SEMA4F: variants seen among roughly 807,000 people sequenced by gnomAD.
SEMA4F encodes the protein ssemaphorin 4F, also known as semaphorin-4F.
In SEMA4F, 51 loss-of-function variants were observed where a neutral mutation model predicts 78.4. The observed-to-expected ratio is 0.65, with a 90% confidence interval of 0.52 to 0.82. SEMA4F has a LOEUF of 0.82. Among genes scored for constraint, SEMA4F ranks in the 40% least tolerant of loss-of-function variants. SEMA4F has a pLI of 0.00. For missense variants in SEMA4F, 938 were observed against 1,014.4 expected (o/e 0.92, Z 1.02); for synonymous variants, 418 against 408.7 (o/e 1.02, Z -0.27).
chr2:74,673,752 T>A lies in SEMA4F; in HGVS notation c.746T>A (p.Phe249Tyr). 1 of 1,614,096 alleles carries A rather than the reference T, an allele frequency of 6.2e-7. No homozygotes were observed. ...GAAGATGGAGACGACGAAATCTACT[T>A]CTTCTTTACGGAGACTTCCCGAGCA... Reference protein sequence around the residue: ...GDEDGDDEIYFFFTETSRAFD... With the variant: ...GDEDGDDEIYYFFTETSRAFD... The change falls in exon 7 of 14, where the codon TTC becomes TAC. Residue 249 changes from phenylalanine to tyrosine, a missense_variant. Transcript: ENST00000357877.
chr2:74,702,920 A>G, the SEMA4F span, among the ~76,000 whole-genome samples: 1 of 152,202 alleles, frequency 6.6e-6, no homozygotes, highest in Non-Finnish European at 1.5e-5. Flanking sequence ...AAAAGCTGAA[A>G]TGGAAAATGG....
At chr2:74,675,118 C>G (rs779315420) in intron 9 of SEMA4F, 44 bp from the exon 10 acceptor site, 2 of 1,613,458 alleles carry the variant, frequency 1.2e-6, no homozygotes, top group African/African-American at 1.3e-5. Context: ...ACTGGCATGT[C>G]CTGTTCCTGG....
the SEMA4F span, among the ~76,000 whole-genome samples, chr2:74,706,950 G>C: frequency 6.6e-6 from 1 of 152,112 alleles, no homozygotes; most frequent in South Asian, 2.1e-4. Flanking sequence ...CAGGATCCCT[G>C]GTAGGCCACT....
chr2:74,707,134 A>G, the SEMA4F span, among the ~76,000 whole-genome samples: 6 of 152,230 alleles, frequency 3.9e-5, no homozygotes, highest in Non-Finnish European at 8.8e-5. Context: ...AAAAATTACT[A>G]TAAAGTACAT....
rs376510069 is a variant in SEMA4F, at chr2:74,658,041, G to C, written c.456+90G>C. 6.4e-5 allele frequency: 76 copies of C among 1,186,418 alleles called. No individual in the cohort carries two copies. Among genetic ancestry groups the C allele is most frequent in the South Asian group, 3.2e-4 (26 of 82,062 alleles). 73.5% of individuals were successfully genotyped at this position (1,186,418 alleles called of 1,614,324 possible). Reference sequence around the variant, plus strand: ...GGTGGGAGGATGGGAAGGGTTTTCTGTGAGCGACCATGATGGGGGCATGGT... The same window carrying C: ...GGTGGGAGGATGGGAAGGGTTTTCTCTGAGCGACCATGATGGGGGCATGGT... On this transcript the variant is annotated intron_variant, in intron 4 of 13. Transcript: ENST00000357877. This position sits in a 1 kb window ranked among gnomAD's most constrained non-coding sequence, Gnocchi z 4.3.
At chr2:74,667,875 A>G (rs1684775556) in intron 5 of SEMA4F, among the ~76,000 whole-genome samples, 1 of 152,134 alleles carries the variant, frequency 6.6e-6, no homozygotes, top group Non-Finnish European at 1.5e-5. Flanking sequence ...TTTCCACTGC[A>G]TTCTGATGGC....
chr2:74,698,960 T>A, the SEMA4F span, among the ~76,000 whole-genome samples: 1 of 152,170 alleles, frequency 6.6e-6, no homozygotes, highest in East Asian at 1.9e-4. Flanking sequence ...ACTCCTGAAG[T>A]TTGAGGGAAT....
At chr2:74,685,262 A>C (rs1685795435), downstream of SEMA4F, among the ~76,000 whole-genome samples, 6 of 152,280 alleles carry the variant, frequency 3.9e-5, no homozygotes, top group South Asian at 1.2e-3. Flanking sequence ...CAGTAAAAAG[A>C]GAAACTTAGT....
chr2:74,655,907 G>T (rs1330005098), intron 1 of SEMA4F, among the ~76,000 whole-genome samples: 1 of 152,178 alleles, frequency 6.6e-6, no homozygotes, highest in Non-Finnish European at 1.5e-5. Flanking sequence ...ATTGGTGCAA[G>T]GGTAGGGTCC....
At position 74,673,845 on chromosome 2, in the gene SEMA4F, GCTGT is replaced by G. The variant is rs1685121265; in HGVS notation, c.822+27_822+30del. 4.4e-6 allele frequency: 7 copies of G among 1,607,928 alleles called. No individual in the cohort carries two copies. Among genetic ancestry groups the G allele is most frequent in the Non-Finnish European group, 5.1e-6 (6 of 1,176,450 alleles). On this transcript the variant is annotated intron_variant, in intron 7 of 13. Coordinates refer to ENST00000357877, the MANE Select transcript of SEMA4F (RefSeq NM_004263.5). ...GTGTGTGCGGTGAGACCCCATCCCA[GCTGT>G]CTGTCTGTCATCTCCTGCTCTGTCT... is the stretch of plus-strand genomic sequence containing the variant.
In SEMA4F at chr2:74,654,304, CGAGGCCAGTAGCCCCGGGGCCCTGAGCA is replaced by C; in HGVS notation, c.-66_-39del. ...CGAGCCGAGAGGACCCGAGTGGGGC[CGAGGCCAGTAGCCCCGGGGCCCTGAGCA>C]GAGGCCGTAGCTTGCGCCGCACCCG... On this transcript the variant is annotated 5_prime_UTR_variant, in exon 1 of 14. Coordinates refer to ENST00000357877, the MANE Select transcript of SEMA4F (RefSeq NM_004263.5). 1 of 1,369,314 alleles carries C rather than the reference CGAGGCCAGTAGCCCCGGGGCCCTGAGCA, an allele frequency of 7.3e-7. No individual in the cohort carries two copies. The highest frequency in any genetic ancestry group is 9.4e-7 in the Non-Finnish European group (1 of 1,067,272). 84.8% of individuals were successfully genotyped at this position (1,369,314 alleles called of 1,614,324 possible). A position where few individuals can be genotyped will look rare whatever the true frequency, so the allele number is the denominator to read the frequency against.
chr2:74,673,608 A>G (rs1685102926), intron 6 of SEMA4F, 32 bp downstream of exon 6: 1 of 1,613,514 alleles, frequency 6.2e-7, no homozygotes, highest in Non-Finnish European at 8.5e-7. Flanking sequence ...CTCTGGGGAG[A>G]CCGATGGGGT....
chr2:74,680,050 C>T lies in SEMA4F; in HGVS notation c.2154C>T (p.Ser718=). The T allele has an allele frequency of 1.2e-6, 2 of 1,614,134 alleles. No homozygotes were observed. Among genetic ancestry groups the T allele is most frequent in the Non-Finnish European group, 1.7e-6 (2 of 1,179,954 alleles). ...GTTSYSQDPP[S]PSPEDERLPL... ...CAAGCTACAGCCAAGACCCTCCCTC[C>T]CCCTCTCCTGAAGATGAGCGGTTGC... The change falls in exon 14 of 14, where the codon TCC becomes TCT. Residue 718 remains serine, a synonymous_variant. Transcript: ENST00000357877.
chr2:74,662,917 G>T lies in SEMA4F; in HGVS notation c.550+92G>T. 2.7e-6 allele frequency: 3 copies of T among 1,114,196 alleles called. No homozygotes were observed. In the South Asian group the frequency reaches 3.8e-5, roughly 14 times the overall value. 69.0% of individuals were successfully genotyped at this position (1,114,196 alleles called of 1,614,324 possible). A position where few individuals can be genotyped will look rare whatever the true frequency, so the allele number is the denominator to read the frequency against. On this transcript the variant is annotated intron_variant, in intron 5 of 13. Coordinates refer to ENST00000357877, the MANE Select transcript of SEMA4F (RefSeq NM_004263.5). ...GAATTTCTGTGTTCTTTCTTACCTTGGAATGTCTATTATTCTCATGTCTCT... is the reference window on the plus strand; with the variant it reads ...GAATTTCTGTGTTCTTTCTTACCTTTGAATGTCTATTATTCTCATGTCTCT...
intron 6 of SEMA4F, 29 bp downstream of exon 6, chr2:74,673,605 G>A: frequency 1.9e-6 from 3 of 1,613,836 alleles, no homozygotes; most frequent in Non-Finnish European, 2.5e-6. Context: ...GTCCTCTGGG[G>A]AGACCGATGG....
At chr2:74,703,768 CTT>C in the SEMA4F span, among the ~76,000 whole-genome samples, 1 of 152,214 alleles carries the variant, frequency 6.6e-6, no homozygotes, top group African/African-American at 2.4e-5. Context: ...ACTTCCAAAT[CTT>C]TATAGCATGA....
intron 1 of SEMA4F, among the ~76,000 whole-genome samples, chr2:74,654,727 T>G (rs1684029123): frequency 6.6e-6 from 1 of 152,008 alleles, no homozygotes; most frequent in Non-Finnish European, 1.5e-5. Flanking sequence ...CAGCCCCTCA[T>G]CCCCAGCCCG....
chr2:74,704,806 C>T, the SEMA4F span, among the ~76,000 whole-genome samples: 1 of 152,154 alleles, frequency 6.6e-6, no homozygotes, highest in Admixed American at 6.5e-5. Flanking sequence ...CTCTCCTTCT[C>T]CAAACCCGGC....
chr2:74,679,630 T>G lies in SEMA4F; in HGVS notation c.1734T>G (p.Ala578=). The change falls in exon 14 of 14, where the codon GCT becomes GCG. Residue 578 remains alanine (A), a synonymous_variant. Transcript: ENST00000357877. ...ERPVVFEVPV[A]TAAHVVLPCS... is the part of the protein sequence containing the mutation. ...CAGTAGTGTTTGAAGTTCCCGTGGC[T>G]ACAGCTGCGCATGTGGTCTTGCCAT... 6.2e-7 allele frequency: 1 copy of G among 1,608,308 alleles called. No individual in the cohort carries two copies. Among genetic ancestry groups the G allele is most frequent in the Non-Finnish European group, 8.5e-7 (1 of 1,176,558 alleles).
Sources: gnomAD v4.1 joint callset for allele counts (sites outside exome capture counted in the v4.1 genomes callset) on GRCh38, gnomAD v4.1.1 for gene constraint, Gnocchi (gnomAD v3.1) non-coding constraint, MANE v1.5 for transcripts, NCBI Gene and HGNC (gene_info 2026-07-23, HGNC 2026-07-21) for gene names.